The following KANSL1 variants were observed in gnomAD, a reference collection of about 807,000 sequenced individuals.
KANSL1 encodes KAT8 regulatory NSL complex subunit 1.
KANSL1 carries 22 observed loss-of-function variants against 103.6 expected under a neutral mutation model. That is an observed-to-expected ratio of 0.21 (90% CI 0.15 to 0.30). The LOEUF (loss-of-function observed/expected upper bound fraction) is 0.30, where lower values mean the gene tolerates loss of function less well. Ranked by LOEUF, KANSL1 falls within the 10% of genes least tolerant of loss-of-function variation. The pLI is 1.00. For missense variants in KANSL1, 1,337 were observed against 1,399.8 expected (o/e 0.96, Z 0.72); for synonymous variants, 600 against 527.6 (o/e 1.14, Z -1.88).
intron 2 of KANSL1, among the ~76,000 whole-genome samples, chr17:46,109,981 T>C (rs1268585695): frequency 6.6e-6 from 1 of 152,218 alleles, no homozygotes; most frequent in Non-Finnish European, 1.5e-5. Context: ...GGGAGACTGC[T>C]TCAATGGGAG....
At chr17:46,113,073 A>G (rs879504954) in intron 2 of KANSL1, among the ~76,000 whole-genome samples, 2 of 152,218 alleles carry the variant, frequency 1.3e-5, no homozygotes, top group Non-Finnish European at 2.9e-5. Flanking sequence ...TACAAAGAAT[A>G]CAAAGAAACT....
rs58711350 is a variant in KANSL1, at chr17:46,046,528, CAAAAAAAAAAAAAAA to C, written c.2020+3990_2020+4004del. On this transcript the variant is annotated intron_variant, in intron 7 of 14. Coordinates refer to ENST00000432791, the MANE Select transcript of KANSL1 (RefSeq NM_015443.4). ...CCTGAGTGACAGAGTGAGACTCTGTCAAAAAAAAAAAAAAAAAAAAAAAAAAAAGCCAGGTGCGGT... is the reference window on the plus strand; with the variant it reads ...CCTGAGTGACAGAGTGAGACTCTGTCAAAAAAAAAAAAAGCCAGGTGCGGT... Among the ~76,000 whole-genome samples, 87 of 33,180 alleles carry C rather than the reference CAAAAAAAAAAAAAAA, an allele frequency of 2.6e-3. 2 individuals carry two copies. Among genetic ancestry groups the C allele is most frequent in the African/African-American group, 0.014 (82 of 5,886 alleles). 21.8% of individuals were successfully genotyped at this position (33,180 alleles called of 152,430 possible). A position where few individuals can be genotyped will look rare whatever the true frequency, so the allele number is the denominator to read the frequency against.
At chr17:46,069,701 G>GC (rs1186028781) in intron 4 of KANSL1, among the ~76,000 whole-genome samples, 1 of 151,924 alleles carries the variant, frequency 6.6e-6, no homozygotes, top group Non-Finnish European at 1.5e-5. Context: ...GCCAAATCAC[G>GC]CCACTGCACT....
At chr17:46,050,836 G>A (rs558203763) in intron 6 of KANSL1, 132 bp from the exon 7 acceptor site, 5 of 656,066 alleles carry the variant, frequency 7.6e-6, no homozygotes, top group Admixed American at 2.9e-5. Flanking sequence ...AGATACTTGT[G>A]TGACACTACT....
chr17:46,161,857 C>A (rs2045760681), intron 2 of KANSL1, among the ~76,000 whole-genome samples: 1 of 152,204 alleles, frequency 6.6e-6, no homozygotes, highest in African/African-American at 2.4e-5. Flanking sequence ...ACTAAATAGG[C>A]TGCTAGAGCA....
At chr17:46,039,938 G>A (rs1238429689) in intron 7 of KANSL1, 54 bp from the exon 8 acceptor site, 1 of 1,505,584 alleles carries the variant, frequency 6.6e-7, no homozygotes, top group South Asian at 1.2e-5. Flanking sequence ...CCTCTCTAGT[G>A]TTCAAGACCT....
At chr17:46,219,150 G>A (rs1438958931) in intron 1 of KANSL1, among the ~76,000 whole-genome samples, 1 of 151,654 alleles carries the variant, frequency 6.6e-6, no homozygotes, top group Non-Finnish European at 1.5e-5. Flanking sequence ...TGTAATCCCA[G>A]CTACTTGGGA....
chr17:46,183,777 C>T (rs1252002356), intron 1 of KANSL1, among the ~76,000 whole-genome samples: 1 of 152,048 alleles, frequency 6.6e-6, no homozygotes, highest in Non-Finnish European at 1.5e-5. Context: ...ACAGCGAAAC[C>T]CCGTCTTTGC....
At chr17:46,173,538 C>T (rs2046383713) in intron 1 of KANSL1, among the ~76,000 whole-genome samples, 1 of 152,200 alleles carries the variant, frequency 6.6e-6, no homozygotes. Flanking sequence ...GGTCTCTGGA[C>T]TTCTGGGGAT....
At chr17:46,070,814 C>T (rs999302075) in intron 4 of KANSL1, among the ~76,000 whole-genome samples, 6 of 152,004 alleles carry the variant, frequency 3.9e-5, no homozygotes, top group Non-Finnish European at 5.9e-5. Flanking sequence ...AGTGCCTTCA[C>T]GTGTTCTAGA....
intron 2 of KANSL1, among the ~76,000 whole-genome samples, chr17:46,120,278 T>G (rs1390951147): frequency 1.3e-5 from 2 of 152,220 alleles, no homozygotes; most frequent in African/African-American, 4.8e-5. Context: ...AGTTTCACTC[T>G]AGGATCAGGT....
At chr17:46,132,124 T>C (rs2043892864) in intron 2 of KANSL1, among the ~76,000 whole-genome samples, 1 of 148,886 alleles carries the variant, frequency 6.7e-6, no homozygotes, top group Admixed American at 6.7e-5. Context: ...CAAAACTCCA[T>C]CTCAAAAAAA....
chr17:46,187,977 A>G (rs1186861209), intron 1 of KANSL1, among the ~76,000 whole-genome samples: 1 of 152,230 alleles, frequency 6.6e-6, no homozygotes, highest in Non-Finnish European at 1.5e-5. Context: ...AAAAAAATAT[A>G]TATTGCAGCT....
chr17:46,050,473 T>C, intron 7 of KANSL1, 60 bp downstream of exon 7: 1 of 1,519,578 alleles, frequency 6.6e-7, no homozygotes, highest in Non-Finnish European at 9.0e-7. Context: ...CTGATTTTCT[T>C]TCACCTAGAA....
intron 1 of KANSL1, among the ~76,000 whole-genome samples, chr17:46,183,018 T>G (rs2046859092): frequency 6.6e-6 from 1 of 152,158 alleles, no homozygotes; most frequent in Non-Finnish European, 1.5e-5. Flanking sequence ...CAAGCAGCAG[T>G]AAAGAGAGAC....
intron 7 of KANSL1, chr17:46,041,742 A>G (rs2077322057): frequency 6.6e-6 from 1 of 152,082 alleles, no homozygotes; most frequent in Non-Finnish European, 1.5e-5. Context: ...CCTCACAGCA[A>G]CTTACTCCTG....
intron 6 of KANSL1, among the ~76,000 whole-genome samples, chr17:46,053,026 G>A (rs1307413701): frequency 4.0e-5 from 5 of 124,632 alleles, no homozygotes; most frequent in African/African-American, 1.5e-4. Context: ...GGTGGCTCAC[G>A]CCTGTAATCC....
rs553194211 is a variant in KANSL1 at position 46,181,899 on chromosome 17, C to T, written c.-89-9667G>A. Among the ~76,000 whole-genome samples, 4 of 151,480 alleles carry T rather than the reference C, an allele frequency of 2.6e-5. No individual in the cohort carries two copies. The East Asian group carries it at 7.7e-4, about 29-fold the overall frequency. On this transcript the variant is annotated intron_variant, in intron 1 of 14. Transcript: ENST00000432791. ...CCTTCTTCTACTTTTTTTTTTTGTC[C>T]CCAAACTTACTAATTTTTCAATACA...
At chr17:46,163,727 T>C (rs947952124) in intron 2 of KANSL1, among the ~76,000 whole-genome samples, 13 of 152,362 alleles carry the variant, frequency 8.5e-5, no homozygotes, top group East Asian at 3.9e-4. Flanking sequence ...CCTCCCGTCA[T>C]TGCCCCCACA....
Sources: allele counts gnomAD v4.1 joint callset (sites outside exome capture counted in the v4.1 genomes callset), GRCh38; gene constraint gnomAD v4.1.1; transcripts MANE v1.5; gene names NCBI Gene and HGNC (gene_info 2026-07-23, HGNC 2026-07-21).